Variants in RBSN observed in about 807,000 individuals in gnomAD.
RBSN encodes the protein rabenosyn-5.
In RBSN, 34 loss-of-function variants were observed where a neutral mutation model predicts 60.5. That is an observed-to-expected ratio of 0.56 (90% CI 0.43 to 0.75). RBSN has a LOEUF of 0.75. Among genes scored for constraint, RBSN ranks in the 30% least tolerant of loss-of-function variants. The pLI is 0.00. For synonymous variants in RBSN, 322 were observed against 366.9 expected, an observed-to-expected ratio of 0.88 and a Z score of 1.40; for missense variants, 845 against 986.8, an observed-to-expected ratio of 0.86 and a Z score of 1.92.
intron 4 of RBSN, among the ~76,000 whole-genome samples, chr3:15,091,749 G>T (rs1005260787): frequency 2.0e-5 from 3 of 152,262 alleles, no homozygotes; most frequent in African/African-American, 7.2e-5. Flanking sequence ...GACACCTCAT[G>T]TGCCTGAAAT....
chr3:15,096,891 G>T (rs928320505), intron 2 of RBSN, among the ~76,000 whole-genome samples, 181 bp from the exon 3 acceptor site: 8 of 152,108 alleles, frequency 5.3e-5, no homozygotes, highest in Admixed American at 5.2e-4. Flanking sequence ...TCCTTTTTAA[G>T]AGACAGCATC....
rs9830744 is a variant in RBSN, at chr3:15,073,971, C to T, written c.2166G>A (p.Met722Ile). Residue 722 changes from methionine to isoleucine, a missense_variant, in exon 14 of 14, where the codon ATG (methionine) becomes ATA (isoleucine). Physicochemically the swap from Met to Ile is conservative, Grantham distance 10. Transcript: ENST00000253699. Reference protein sequence around the residue: ...EEPTCINPFEMDSDSGPEAEE... With the variant: ...EEPTCINPFEIDSDSGPEAEE... ...CAGCCTCTGGCCCACTGTCACTGTC[C>T]ATCTCAAAGGGGTTGATACAGGTGG... The T allele has an allele frequency of 0.058, 92,955 of 1,613,812 alleles. 3,446 individuals carry two copies. Among genetic ancestry groups the T allele is most frequent in the African/African-American group, 0.15 (11,199 of 74,862 alleles).
rs1305801173 is a variant in RBSN, at chr3:15,096,256, G to A, written c.-136C>T. On this transcript the variant is annotated 5_prime_UTR_variant, in exon 4 of 14. Coordinates refer to ENST00000253699, the MANE Select transcript of RBSN (RefSeq NM_022340.4). ...GGTGAGGAAGTGGCTTCATGGCCCTGGATGAGGTTTCCTCTCTGGAGTAGG... is the reference window on the plus strand; with the variant it reads ...GGTGAGGAAGTGGCTTCATGGCCCTAGATGAGGTTTCCTCTCTGGAGTAGG... 4 of 950,834 alleles carry A rather than the reference G, an allele frequency of 4.2e-6. No individual in the cohort carries two copies. The highest frequency in any genetic ancestry group is 3.6e-5 in the Admixed American group (1 of 28,114). The allele number at this position is 950,834 out of a possible 1,614,324, so 58.9% of individuals were successfully genotyped here.
At position 15,076,260 on chromosome 3, in the gene RBSN, C is replaced by G. The variant is rs148853280; in HGVS notation, c.1102-550G>C. Among the ~76,000 whole-genome samples, 36 of 152,274 alleles carry G rather than the reference C, an allele frequency of 2.4e-4. No individual in the cohort carries two copies. In the East Asian group the frequency reaches 6.9e-3, roughly 29 times the overall value. ...TCAAAGTGAGGAAGGGCCTACTTCT[C>G]TATACTACAGAGTTAGAAAACTAAC... On this transcript the variant is annotated intron_variant, in intron 12 of 13. Transcript: ENST00000253699.
chr3:15,093,197 C>A (rs2043563149), intron 4 of RBSN, among the ~76,000 whole-genome samples: 2 of 152,186 alleles, frequency 1.3e-5, no homozygotes, highest in Non-Finnish European at 2.9e-5. Context: ...TTCTAAGAAT[C>A]AAAAGACCAA....
intron 8 of RBSN, among the ~76,000 whole-genome samples, chr3:15,083,242 A>C (rs920181221): frequency 6.6e-6 from 1 of 152,226 alleles, no homozygotes; most frequent in Non-Finnish European, 1.5e-5. Flanking sequence ...AAGGCAGCTT[A>C]TAAAATCTCA....
At chr3:15,097,382 G>GT (rs991374689) in intron 2 of RBSN, among the ~76,000 whole-genome samples, 5 of 152,188 alleles carry the variant, frequency 3.3e-5, no homozygotes, top group African/African-American at 1.2e-4. Flanking sequence ...GGGTGTGGTG[G>GT]TAGGCGCCTG....
intron 5 of RBSN, among the ~76,000 whole-genome samples, chr3:15,087,490 A>G (rs936522099): frequency 6.6e-6 from 1 of 152,222 alleles, no homozygotes; most frequent in Non-Finnish European, 1.5e-5. Flanking sequence ...AGCCTGGGTG[A>G]CAGAGGAAGG....
rs780245188 is a variant in RBSN, at chr3:15,074,497, C to T, written c.1640G>A (p.Arg547Gln). The change falls in exon 14 of 14, where the codon CGG (arginine) becomes CAG (glutamine). Residue 547 changes from arginine to glutamine, a missense_variant. Coordinates refer to ENST00000253699, the MANE Select transcript of RBSN (RefSeq NM_022340.4). This position sits in a 1 kb window ranked among gnomAD's most constrained non-coding sequence, Gnocchi z 6.4. ...FRVASLHTRT[R>Q]SLDFREIGPF... is the part of the protein sequence containing the mutation. ...GCCGATTTCTCTGAAGTCCAGGGAC[C>T]GAGTCCGTGTGTGCAGGGATGCCAC... The T allele has an allele frequency of 1.5e-5, 24 of 1,614,076 alleles. No individual in the cohort carries two copies. The highest frequency in any genetic ancestry group is 1.9e-5 in the Non-Finnish European group (23 of 1,180,036).
At chr3:15,085,494 A>G (rs1413245379) in intron 6 of RBSN, among the ~76,000 whole-genome samples, 2 of 152,162 alleles carry the variant, frequency 1.3e-5, no homozygotes, top group Non-Finnish European at 2.9e-5. Context: ...ATGAAAATAC[A>G]CCCGTGAGAC....
At chr3:15,093,697 CTTTAT>C (rs2043576285) in intron 4 of RBSN, among the ~76,000 whole-genome samples, 1 of 151,982 alleles carries the variant, frequency 6.6e-6, no homozygotes, top group African/African-American at 2.4e-5. Flanking sequence ...GCTGAAGTAA[CTTTAT>C]TTTGTTTTTT....
At chr3:15,083,864 G>A (rs1575096454) in intron 8 of RBSN, among the ~76,000 whole-genome samples, 1 of 152,104 alleles carries the variant, frequency 6.6e-6, no homozygotes, top group South Asian at 2.1e-4. Context: ...TCCAAGCAGA[G>A]CAGACAAAGA....
chr3:15,079,082 G>A (rs1054721326), intron 10 of RBSN, among the ~76,000 whole-genome samples: 1 of 151,914 alleles, frequency 6.6e-6, no homozygotes, highest in Non-Finnish European at 1.5e-5. Context: ...AAAAAGCAAC[G>A]ATCTTAAGCA....
intron 4 of RBSN, among the ~76,000 whole-genome samples, chr3:15,092,669 C>A (rs1182468033): frequency 6.6e-6 from 1 of 152,182 alleles, no homozygotes; most frequent in African/African-American, 2.4e-5. Flanking sequence ...ACCTCGGCCT[C>A]CCAAAGTGCT....
chr3:15,075,060 T>C (rs2043020480), intron 13 of RBSN, 130 bp from the exon 14 acceptor site: 8 of 1,095,226 alleles, frequency 7.3e-6, no homozygotes, highest in African/African-American at 1.6e-5. Context: ...AGGACAAAGA[T>C]ATCCAACTGC....
rs1439576840 is a variant in RBSN at position 15,074,325 on chromosome 3, T to C, written c.1812A>G (p.Pro604=). The C allele has an allele frequency of 6.2e-7, 1 of 1,614,106 alleles. No individual in the cohort carries two copies. The highest frequency in any genetic ancestry group is 8.5e-7 in the Non-Finnish European group (1 of 1,180,018). ...GGGGTAAGCGCTCCTGGCCAACGGC[T>C]GGGGGCCCAGACCACACTCTGGTGG... The part of the protein sequence containing the change: ...TQPTRVWSGP[P]AVGQERLPQS... Residue 604 remains proline, a synonymous_variant, in exon 14 of 14, where the codon CCA becomes CCG. Transcript: ENST00000253699. This position sits in a 1 kb window ranked among gnomAD's most constrained non-coding sequence, Gnocchi z 6.4.
At chr3:15,092,098 C>T (rs955882318) in intron 4 of RBSN, among the ~76,000 whole-genome samples, 1 of 150,172 alleles carries the variant, frequency 6.7e-6, no homozygotes, top group African/African-American at 2.5e-5. Flanking sequence ...CTCACTGCAG[C>T]CTTGATCTCT....
intron 5 of RBSN, chr3:15,086,166 G>A (rs1399730208): frequency 3.9e-6 from 2 of 508,492 alleles, no homozygotes; most frequent in Non-Finnish European, 7.0e-6. Context: ...GGGAGGCCAA[G>A]GCGGGAAGAT....
Position 15,082,933 on chromosome 3 carries a change from C to A in RBSN, c.599-325G>T, listed in dbSNP as rs1056061119. Among the ~76,000 whole-genome samples, 6 of 152,196 alleles carry A rather than the reference C, an allele frequency of 3.9e-5. No homozygotes were observed. Among genetic ancestry groups the A allele is most frequent in the South Asian group, 2.1e-4 (1 of 4,828 alleles). ...TATTCCCAAACATCTGGCTCCTACC[C>A]TCTCTGAATGGCAGGTCCTCCAGGA... On this transcript the variant is annotated intron_variant, in intron 8 of 13. Coordinates refer to ENST00000253699, the MANE Select transcript of RBSN (RefSeq NM_022340.4). The surrounding 1 kb of genome is among the most constrained non-coding windows in gnomAD (Gnocchi z 4.2).
Sources: gnomAD v4.1 joint callset for allele counts (sites outside exome capture counted in the v4.1 genomes callset) on GRCh38, gnomAD v4.1.1 for gene constraint, Gnocchi (gnomAD v3.1) non-coding constraint, MANE v1.5 for transcripts, NCBI Gene and HGNC (gene_info 2026-07-23, HGNC 2026-07-21) for gene names.